The following NRXN1 variants were observed in gnomAD, a reference collection of about 807,000 sequenced individuals.
The protein encoded by NRXN1 is neurexin 1.
A neutral mutation model predicts 150.9 loss-of-function variants in NRXN1; 39 were observed. The ratio of observed to expected loss-of-function variants is 0.26; its 90% confidence interval spans 0.20 to 0.34. The LOEUF (loss-of-function observed/expected upper bound fraction) is 0.34, where lower values mean the gene tolerates loss of function less well. Among genes scored for constraint, NRXN1 ranks in the 10% least tolerant of loss-of-function variants. The probability of loss-of-function intolerance (pLI) is 1.00; values close to 1 mark genes in which losing one functional copy is unlikely to be tolerated. For missense variants in NRXN1, 1,815 were observed against 1,949.9 expected, an observed-to-expected ratio of 0.93 and a Z score of 1.30; for synonymous variants, 924 against 757.0, an observed-to-expected ratio of 1.22 and a Z score of -3.62.
At chr2:50,631,269 T>A (rs1474776744) in intron 5 of NRXN1, 1 of 343,804 alleles carries the variant, frequency 2.9e-6, no homozygotes, top group African/African-American at 2.3e-5. Context: ...AAGACTTATC[T>A]CACTTAGGTA....
At chr2:50,566,799 T>C (rs1450189333) in intron 8 of NRXN1, among the ~76,000 whole-genome samples, 1 of 152,194 alleles carries the variant, frequency 6.6e-6, no homozygotes, top group African/African-American at 2.4e-5. Context: ...GATGCGATTC[T>C]AGTGCATGCT....
chr2:50,733,032 C>T (rs1574280312), intron 5 of NRXN1, among the ~76,000 whole-genome samples: 1 of 152,104 alleles, frequency 6.6e-6, no homozygotes, highest in Non-Finnish European at 1.5e-5. Context: ...TGGCAAGTAT[C>T]CCAAGAACAG....
At chr2:51,026,595 A>T in intron 2 of NRXN1, 1 of 663,116 alleles carries the variant, frequency 1.5e-6, no homozygotes, top group Non-Finnish European at 2.7e-6. Context: ...TTAGCCGAAT[A>T]TCCTTAGAAA....
chr2:50,982,826 C>A (rs1697048348), intron 2 of NRXN1, among the ~76,000 whole-genome samples: 1 of 152,040 alleles, frequency 6.6e-6, no homozygotes, highest in African/African-American at 2.4e-5. Context: ...ATGATCCAAA[C>A]TCATAAATGT....
intron 17 of NRXN1, among the ~76,000 whole-genome samples, chr2:50,373,694 A>AAGAAAGAAG (rs2080268199): frequency 7.4e-6 from 1 of 134,322 alleles, no homozygotes; most frequent in Non-Finnish European, 1.6e-5. Flanking sequence ...AAAGAAGGAA[A>AAGAAAGAAG]GAAAGAAAGA....
intron 2 of NRXN1, among the ~76,000 whole-genome samples, chr2:50,947,830 A>G (rs1690647063): frequency 6.6e-6 from 1 of 152,038 alleles, no homozygotes; most frequent in Non-Finnish European, 1.5e-5. Context: ...GTACACTTGC[A>G]AATTTTTTCA....
intron 19 of NRXN1, among the ~76,000 whole-genome samples, chr2:50,056,880 T>C (rs1012459055): frequency 6.6e-6 from 1 of 152,136 alleles, no homozygotes; most frequent in Non-Finnish European, 1.5e-5. Context: ...CAACTCACAT[T>C]GGCATAACAC....
chr2:50,149,280 G>A (rs2058556797), intron 18 of NRXN1, among the ~76,000 whole-genome samples: 1 of 151,624 alleles, frequency 6.6e-6, no homozygotes, highest in Admixed American at 6.6e-5. Flanking sequence ...TTTCAGAAAT[G>A]GCTAAGCAAA....
chr2:50,181,099 T>C (rs951317943), intron 18 of NRXN1, among the ~76,000 whole-genome samples: 1 of 152,124 alleles, frequency 6.6e-6, no homozygotes, highest in African/African-American at 2.4e-5. Flanking sequence ...TTTTAAGGTA[T>C]TCACAATAAC....
At chr2:50,516,360 T>G (rs1295724692) in intron 12 of NRXN1, among the ~76,000 whole-genome samples, 1 of 152,216 alleles carries the variant, frequency 6.6e-6, no homozygotes. Context: ...CAGTTCTTTT[T>G]AGGAGTATAA....
At chr2:50,860,728 T>C (rs1437551702) in intron 5 of NRXN1, among the ~76,000 whole-genome samples, 2 of 152,088 alleles carry the variant, frequency 1.3e-5, no homozygotes, top group African/African-American at 4.8e-5. Context: ...TCCTGAGTTC[T>C]TCCTCTGTGC....
chr2:50,033,799 T>G (rs1689556284), intron 21 of NRXN1, among the ~76,000 whole-genome samples: 1 of 151,310 alleles, frequency 6.6e-6, no homozygotes, highest in Non-Finnish European at 1.5e-5. Flanking sequence ...ACAAACCCAA[T>G]TAAAAAGTGG....
intron 5 of NRXN1, among the ~76,000 whole-genome samples, chr2:50,636,288 C>T (rs1476398573): frequency 6.6e-6 from 1 of 152,116 alleles, no homozygotes; most frequent in African/African-American, 2.4e-5. Context: ...ACGCATCAGG[C>T]TAAGAATTAC....
intron 17 of NRXN1, among the ~76,000 whole-genome samples, chr2:50,337,443 G>A (rs550690271): frequency 2.1e-3 from 314 of 152,170 alleles, no homozygotes; most frequent in Non-Finnish European, 3.2e-3. Flanking sequence ...CACAACTTCC[G>A]TTTCAGTGAC....
intron 5 of NRXN1, among the ~76,000 whole-genome samples, chr2:50,878,813 T>A (rs185029662): frequency 9.9e-5 from 15 of 151,974 alleles, no homozygotes; most frequent in Admixed American, 7.2e-4. Context: ...GTAGAGTTTT[T>A]CCTTCCCCAG....
intron 18 of NRXN1, among the ~76,000 whole-genome samples, chr2:50,166,520 C>G (rs1284597816): frequency 6.6e-6 from 1 of 152,040 alleles, no homozygotes; most frequent in Non-Finnish European, 1.5e-5. Flanking sequence ...TTAATATTAG[C>G]CTTCTTGAGA....
chr2:50,411,668 G>A (rs2083186645), intron 17 of NRXN1, among the ~76,000 whole-genome samples: 1 of 146,980 alleles, frequency 6.8e-6, no homozygotes, highest in African/African-American at 2.6e-5. Flanking sequence ...GAGCCCCTCC[G>A]CCCGGCAGCC....
intron 18 of NRXN1, among the ~76,000 whole-genome samples, chr2:50,207,238 G>C (rs80165438): frequency 0.015 from 2,271 of 151,960 alleles, 157 homozygotes; most frequent in Admixed American, 0.11. Flanking sequence ...TTCCATGTTA[G>C]AACAGGTGTA....
At chr2:50,632,035 T>G (rs1015838385) in intron 5 of NRXN1, among the ~76,000 whole-genome samples, 2 of 151,986 alleles carry the variant, frequency 1.3e-5, no homozygotes, top group East Asian at 3.9e-4. Flanking sequence ...ATAAGTAAAT[T>G]ATAATAATGT....
Sources: gnomAD v4.1 joint callset for allele counts (sites outside exome capture counted in the v4.1 genomes callset) on GRCh38, gnomAD v4.1.1 for gene constraint, MANE v1.5 for transcripts, NCBI Gene and HGNC (gene_info 2026-07-23, HGNC 2026-07-21) for gene names.